Variants in VIPR2 observed in about 807,000 individuals in gnomAD.
VIPR2 encodes vasoactive intestinal peptide receptor 2.
In VIPR2, 48 loss-of-function variants were observed where a neutral mutation model predicts 58.0. The ratio of observed to expected loss-of-function variants is 0.83; its 90% confidence interval spans 0.66 to 1.05. The LOEUF (loss-of-function observed/expected upper bound fraction) is 1.05. Among genes scored for constraint, VIPR2 ranks in the 50% least tolerant of loss-of-function variants. The pLI is 0.00. For synonymous variants in VIPR2, 243 were observed against 235.2 expected (o/e 1.03, Z -0.30); for missense variants, 534 against 558.0 (o/e 0.96, Z 0.43).
chr7:159,058,087 C>A (rs532064868), intron 5 of VIPR2, among the ~76,000 whole-genome samples: 2 of 152,182 alleles, frequency 1.3e-5, no homozygotes, highest in Non-Finnish European at 2.9e-5. Flanking sequence ...AGGATTTGAA[C>A]CCAGACAGCC....
chr7:159,134,897 T>A (rs1797137792), intron 2 of VIPR2, among the ~76,000 whole-genome samples: 1 of 151,884 alleles, frequency 6.6e-6, no homozygotes, highest in South Asian at 2.1e-4. Context: ...GACCTCATGA[T>A]CTGCCTGCCT....
At chr7:159,086,398 C>A (rs986805842) in intron 4 of VIPR2, among the ~76,000 whole-genome samples, 1 of 152,218 alleles carries the variant, frequency 6.6e-6, no homozygotes, top group Non-Finnish European at 1.5e-5. Flanking sequence ...GGGACTGTAA[C>A]ATCCCGGAAT....
At chr7:159,035,307 G>A (rs1452817407) in intron 8 of VIPR2, among the ~76,000 whole-genome samples, 1 of 152,176 alleles carries the variant, frequency 6.6e-6, no homozygotes, top group African/African-American at 2.4e-5. Context: ...GGGGACCAAG[G>A]GGAACCAGTC....
chr7:159,127,757 T>C lies in VIPR2; in HGVS notation c.151+14689A>G, dbSNP rs1157316621. On this transcript the variant is annotated intron_variant, in intron 2 of 12. Coordinates refer to ENST00000262178, the MANE Select transcript of VIPR2 (RefSeq NM_003382.5). The surrounding 1 kb of genome is among the most constrained non-coding windows in gnomAD (Gnocchi z 4.6). ...TCCTCTTCCAGATGTTTGCTGTTAT[T>C]ACCTTCATGGACAGCCAGTGCTTCC... Among the ~76,000 whole-genome samples, 1 of 152,224 alleles carries C rather than the reference T, an allele frequency of 6.6e-6. No homozygotes were observed. The highest frequency in any genetic ancestry group is 1.9e-4 in the East Asian group (1 of 5,198).
intron 4 of VIPR2, among the ~76,000 whole-genome samples, chr7:159,061,848 G>T (rs1005589207): frequency 1.3e-5 from 2 of 152,116 alleles, no homozygotes; most frequent in Non-Finnish European, 2.9e-5. Flanking sequence ...CAAGCTCGGT[G>T]CGCGGCTGTG....
chr7:159,105,136 A>G (rs1354690701), intron 3 of VIPR2, among the ~76,000 whole-genome samples: 2 of 152,252 alleles, frequency 1.3e-5, no homozygotes, highest in Non-Finnish European at 2.9e-5. Flanking sequence ...ATGGCCACAC[A>G]GAACAGTAAG....
At chr7:159,080,083 C>A (rs115400256) in intron 4 of VIPR2, among the ~76,000 whole-genome samples, 6,056 of 151,980 alleles carry the variant, frequency 0.04, 401 homozygotes, top group African/African-American at 0.14. Flanking sequence ...TTCCAATCAG[C>A]GGAAAAAAAG....
At chr7:159,110,294 C>T (rs1795945022) in intron 2 of VIPR2, among the ~76,000 whole-genome samples, 1 of 152,214 alleles carries the variant, frequency 6.6e-6, no homozygotes, top group Non-Finnish European at 1.5e-5. Flanking sequence ...TGGAATCTGA[C>T]TTCAATGATT....
At chr7:159,091,813 G>C (rs1857524218) in intron 4 of VIPR2, among the ~76,000 whole-genome samples, 1 of 152,240 alleles carries the variant, frequency 6.6e-6, no homozygotes. Flanking sequence ...TCCTTCCACG[G>C]GCCTGAGCAA....
At chr7:159,043,394 A>G (rs1050946378) in intron 5 of VIPR2, among the ~76,000 whole-genome samples, 2 of 152,224 alleles carry the variant, frequency 1.3e-5, no homozygotes, top group African/African-American at 4.8e-5. Flanking sequence ...GAGATAATAA[A>G]GTAGATGAGA....
chr7:159,133,030 T>TGGCATACCGATTGATTTTAGA (rs1214138766), intron 2 of VIPR2, among the ~76,000 whole-genome samples: 2 of 142,300 alleles, frequency 1.4e-5, no homozygotes, highest in Admixed American at 7.1e-5. Context: ...ACAGAATGAT[T>TGGCATACCGATTGATTTTAGA]CCAAAAATGC....
At chr7:159,117,676 C>G (rs1796290425) in intron 2 of VIPR2, among the ~76,000 whole-genome samples, 2 of 152,198 alleles carry the variant, frequency 1.3e-5, no homozygotes, top group South Asian at 4.1e-4. Context: ...GCCCCTACCC[C>G]ACATGCAACT....
intron 4 of VIPR2, among the ~76,000 whole-genome samples, chr7:159,102,918 GC>G (rs1448199172): frequency 6.6e-6 from 1 of 152,240 alleles, no homozygotes; most frequent in Non-Finnish European, 1.5e-5. Flanking sequence ...ACCTCTGGCT[GC>G]AGGTTGCTAT....
chr7:159,082,860 G>A (rs1856982348), intron 4 of VIPR2, among the ~76,000 whole-genome samples: 1 of 152,180 alleles, frequency 6.6e-6, no homozygotes, highest in African/African-American at 2.4e-5. Context: ...CTATCATGAA[G>A]GGTGGCTCAA....
chr7:159,063,132 G>C (rs919665960), intron 4 of VIPR2, among the ~76,000 whole-genome samples: 1 of 152,210 alleles, frequency 6.6e-6, no homozygotes, highest in Non-Finnish European at 1.5e-5. Flanking sequence ...CCAGTTTTGC[G>C]CTGCGTGCCC....
At chr7:159,066,384 T>C (rs1055759274) in intron 4 of VIPR2, among the ~76,000 whole-genome samples, 4 of 129,534 alleles carry the variant, frequency 3.1e-5, no homozygotes, top group South Asian at 2.6e-4. Flanking sequence ...CGTGGGATTC[T>C]AGGATGCCTG....
chr7:159,061,207 G>A (rs527899361), intron 4 of VIPR2, among the ~76,000 whole-genome samples: 70 of 152,234 alleles, frequency 4.6e-4, no homozygotes, highest in Middle Eastern at 3.4e-3. Context: ...AGGGAGAAAC[G>A]GAGGGGCAAG....
intron 4 of VIPR2, among the ~76,000 whole-genome samples, chr7:159,079,161 C>T (rs530545319): frequency 5.3e-5 from 8 of 152,272 alleles, no homozygotes; most frequent in South Asian, 4.2e-4. Context: ...GACTGACCTT[C>T]GCCCCAACCA....
At position 159,095,944 on chromosome 7, in the gene VIPR2, G is replaced by A. The variant is rs1024404361; in HGVS notation, c.357+7813C>T. On this transcript the variant is annotated intron_variant, in intron 4 of 12. Transcript: ENST00000262178. This position sits in a 1 kb window ranked among gnomAD's most constrained non-coding sequence, Gnocchi z 5.2. ...TGAAGCATGTGCTGTGTGTCCTGGAGGGGCCAGTGTGGTGTGTGGTGTATG... is the reference window on the plus strand; with the variant it reads ...TGAAGCATGTGCTGTGTGTCCTGGAAGGGCCAGTGTGGTGTGTGGTGTATG... Among the ~76,000 whole-genome samples, 1 of 152,150 alleles carries A rather than the reference G, an allele frequency of 6.6e-6. No homozygotes were observed. The highest frequency in any genetic ancestry group is 2.4e-5 in the African/African-American group (1 of 41,418).
Sources: allele counts gnomAD v4.1 joint callset (sites outside exome capture counted in the v4.1 genomes callset), GRCh38; gene constraint gnomAD v4.1.1; non-coding constraint Gnocchi (gnomAD v3.1); transcripts MANE v1.5; gene names NCBI Gene and HGNC (gene_info 2026-07-23, HGNC 2026-07-21).